GALNTL6: variants seen among roughly 807,000 people sequenced by gnomAD.
The protein encoded by GALNTL6 is polypeptide N-acetylgalactosaminyltransferase-like 6.
GALNTL6 carries 46 observed loss-of-function variants against 73.7 expected under a neutral mutation model. The observed-to-expected ratio is 0.62, with a 90% CI of 0.49 to 0.80. GALNTL6 has a LOEUF of 0.80. Among genes scored for constraint, GALNTL6 ranks in the 30% least tolerant of loss-of-function variants. The probability of loss-of-function intolerance (pLI) is 0.00; values close to 1 mark genes in which losing one functional copy is unlikely to be tolerated. For synonymous variants in GALNTL6, 259 were observed against 263.7 expected (o/e 0.98, Z 0.17); for missense variants, 604 against 755.0 (o/e 0.80, Z 2.34).
At chr4:172,363,546 G>A (rs958367538) in intron 5 of GALNTL6, among the ~76,000 whole-genome samples, 2 of 152,104 alleles carry the variant, frequency 1.3e-5, no homozygotes. Flanking sequence ...ACAATTGTTG[G>A]TTTCTACCTT....
At chr4:172,291,393 C>T (rs564159897) in intron 3 of GALNTL6, among the ~76,000 whole-genome samples, 51 of 152,164 alleles carry the variant, frequency 3.4e-4, no homozygotes, top group South Asian at 8.3e-4. Flanking sequence ...ATAAATTACA[C>T]ATGGATTCCT....
intron 2 of GALNTL6, among the ~76,000 whole-genome samples, chr4:172,023,553 C>G (rs1036079601): frequency 3.9e-5 from 6 of 151,916 alleles, no homozygotes; most frequent in Non-Finnish European, 5.9e-5. Flanking sequence ...TATTTCAACT[C>G]TTTCATGCTT....
intron 2 of GALNTL6, among the ~76,000 whole-genome samples, chr4:171,941,426 G>A (rs1738541256): frequency 6.6e-6 from 1 of 152,162 alleles, no homozygotes; most frequent in Non-Finnish European, 1.5e-5. Context: ...TTTCCCCCTT[G>A]ATGCCCAGTG....
intron 6 of GALNTL6, among the ~76,000 whole-genome samples, chr4:172,812,832 G>T (rs1356133281): frequency 6.6e-6 from 1 of 152,138 alleles, no homozygotes; most frequent in African/African-American, 2.4e-5. Context: ...AGAGTATTAG[G>T]AATAGCATGA....
At chr4:171,907,924 G>A (rs1438436624) in intron 2 of GALNTL6, among the ~76,000 whole-genome samples, 6 of 151,950 alleles carry the variant, frequency 3.9e-5, no homozygotes, top group African/African-American at 1.5e-4. Flanking sequence ...AATGGTGCTG[G>A]GAAAACTGGC....
chr4:173,024,770 G>A (rs1753164734), intron 12 of GALNTL6, among the ~76,000 whole-genome samples: 1 of 152,076 alleles, frequency 6.6e-6, no homozygotes, highest in Non-Finnish European at 1.5e-5. Context: ...GTAGAGACAG[G>A]GTTTCACCAT....
intron 5 of GALNTL6, among the ~76,000 whole-genome samples, chr4:172,546,030 A>T (rs949601147): frequency 6.6e-6 from 1 of 152,176 alleles, no homozygotes; most frequent in Non-Finnish European, 1.5e-5. Context: ...TTTTAAATAC[A>T]TGTGTATATA....
At chr4:171,940,783 A>C (rs1738510074) in intron 2 of GALNTL6, among the ~76,000 whole-genome samples, 1 of 151,644 alleles carries the variant, frequency 6.6e-6, no homozygotes, top group Admixed American at 6.6e-5. Context: ...GCGCCACTGC[A>C]CTCCAGACTG....
At chr4:172,665,682 A>C (rs771305579) in intron 5 of GALNTL6, among the ~76,000 whole-genome samples, 11 of 152,264 alleles carry the variant, frequency 7.2e-5, no homozygotes, top group Non-Finnish European at 1.2e-4. Context: ...AGTAAAGGGC[A>C]GGGACTATGA....
intron 5 of GALNTL6, among the ~76,000 whole-genome samples, chr4:172,760,978 C>T (rs189833233): frequency 6.6e-6 from 1 of 152,012 alleles, no homozygotes; most frequent in African/African-American, 2.4e-5. Context: ...AAAAGAGGCT[C>T]GATGAAGAGA....
At chr4:172,018,559 A>G (rs890542098) in intron 2 of GALNTL6, among the ~76,000 whole-genome samples, 7 of 152,024 alleles carry the variant, frequency 4.6e-5, no homozygotes, top group African/African-American at 1.2e-4. Context: ...CTCCCTCAGT[A>G]TCCTATTAAC....
intron 3 of GALNTL6, among the ~76,000 whole-genome samples, chr4:172,281,155 A>C (rs922852146): frequency 1.3e-5 from 2 of 152,112 alleles, no homozygotes; most frequent in African/African-American, 4.8e-5. Flanking sequence ...TGGACCACAG[A>C]GTGAGACTCC....
chr4:172,725,454 A>G (rs1355784471), intron 5 of GALNTL6, among the ~76,000 whole-genome samples: 1 of 152,214 alleles, frequency 6.6e-6, no homozygotes, highest in Admixed American at 6.5e-5. Flanking sequence ...TCTAGATCAA[A>G]TAAGGATCTT....
chr4:172,522,665 TCC>T (rs70944411), intron 5 of GALNTL6, among the ~76,000 whole-genome samples: 19,943 of 59,306 alleles, frequency 0.34, 1,756 homozygotes, highest in Middle Eastern at 0.4. Flanking sequence ...TGAAACTCAG[TCC>T]CCCCCCCCCC....
rs188870161 is a variant in GALNTL6 at position 171,887,249 on chromosome 4, C to T, written c.138+72531C>T. 5.7e-3 allele frequency among the ~76,000 whole-genome samples: 875 copies of T among 152,174 alleles called. 10 individuals carry two copies. The highest frequency in any genetic ancestry group is 0.02 in the African/African-American group (816 of 41,518). On this transcript the variant is annotated intron_variant, in intron 2 of 12. Transcript: ENST00000506823. Reference sequence around the variant, plus strand: ...CCTAAACCCCACCTCCCAACATTTGCGTTGGGGTTTAAGTTTCAACAAGGG... The same window carrying T: ...CCTAAACCCCACCTCCCAACATTTGTGTTGGGGTTTAAGTTTCAACAAGGG...
chr4:172,156,549 A>ATACTATATATATATATATATATATAG (rs1553997719), intron 2 of GALNTL6, among the ~76,000 whole-genome samples: 10 of 65,956 alleles, frequency 1.5e-4, no homozygotes, highest in African/African-American at 5.9e-4. Flanking sequence ...TAATATATAT[A>ATACTATATATATATATATATATATAG]TATATATATA....
chr4:171,905,288 G>A (rs967178797), intron 2 of GALNTL6, among the ~76,000 whole-genome samples: 66 of 152,052 alleles, frequency 4.3e-4, no homozygotes, highest in African/African-American at 1.6e-3. Flanking sequence ...CAAAATAAAA[G>A]GATGGAGGAA....
At chr4:172,563,699 C>T (rs1736459993) in intron 5 of GALNTL6, among the ~76,000 whole-genome samples, 1 of 152,182 alleles carries the variant, frequency 6.6e-6, no homozygotes, top group Non-Finnish European at 1.5e-5. Flanking sequence ...ACAGTCAGAC[C>T]TACATTCTTC....
At chr4:172,488,646 T>C (rs1374348279) in intron 5 of GALNTL6, among the ~76,000 whole-genome samples, 1 of 152,154 alleles carries the variant, frequency 6.6e-6, no homozygotes, top group Non-Finnish European at 1.5e-5. Context: ...AGTATCACTT[T>C]CTTGTATTCT....
Sources: gnomAD v4.1 joint callset for allele counts (sites outside exome capture counted in the v4.1 genomes callset) on GRCh38, gnomAD v4.1.1 for gene constraint, MANE v1.5 for transcripts, NCBI Gene and HGNC (gene_info 2026-07-23, HGNC 2026-07-21) for gene names.